The following WNK2 variants were observed in gnomAD, a reference collection of about 807,000 sequenced individuals.
The protein encoded by WNK2 is serine/threonine-protein kinase WNK2.
A neutral mutation model predicts 192.1 loss-of-function variants in WNK2; 67 were observed. The ratio of observed to expected loss-of-function variants is 0.35; its 90% confidence interval spans 0.29 to 0.43. WNK2 has a LOEUF of 0.43. Among genes scored for constraint, WNK2 ranks in the 20% least tolerant of loss-of-function variants. WNK2 has a pLI of 1.00. For missense variants in WNK2, 2,698 were observed against 3,089.7 expected (o/e 0.87, Z 3.01); for synonymous variants, 1,439 against 1,393.9 (o/e 1.03, Z -0.72).
At chr9:93,296,922 ACCTC>A (rs1248815176) in intron 23 of WNK2, among the ~76,000 whole-genome samples, 1 of 25,106 alleles carries the variant, frequency 4.0e-5, no homozygotes, top group African/African-American at 1.6e-4. Flanking sequence ...TCCCCATTCT[ACCTC>A]CCTCGACCTT....
intron 14 of WNK2, 110 bp from the exon 15 acceptor site, chr9:93,263,456 A>G: frequency 7.1e-7 from 1 of 1,401,010 alleles, no homozygotes; most frequent in Non-Finnish European, 9.8e-7. Context: ...TGTAGGTCAC[A>G]GATTTGGGCC....
intron 2 of WNK2, among the ~76,000 whole-genome samples, chr9:93,188,598 C>T (rs977086240): frequency 4.6e-5 from 7 of 152,192 alleles, no homozygotes; most frequent in Non-Finnish European, 7.3e-5. Context: ...AAGTAAAACA[C>T]CAGAATCCCA....
At chr9:93,318,193 A>G (rs1338505167) in intron 29 of WNK2, 1 of 1,488,240 alleles carries the variant, frequency 6.7e-7, no homozygotes, top group African/African-American at 1.4e-5. Flanking sequence ...TTCATTTGCA[A>G]TTGGCTTGTG....
In WNK2 at chr9:93,292,515, G is replaced by A; in HGVS notation, c.5050G>A (p.Ala1684Thr). Reference sequence around the variant, plus strand: ...GGATGTACCTGCTTTTGTGAGACCTGCACGTGTGGAGCCCACAGACAGGGA... The same window carrying A: ...GGATGTACCTGCTTTTGTGAGACCTACACGTGTGGAGCCCACAGACAGGGA... ...PQDVPAFVRP[A>T]RVEPTDRDGG... is the part of the protein sequence containing the mutation. The change falls in exon 23 of 30, where the codon GCA becomes ACA. Residue 1684 changes from alanine (A) to threonine (T), a missense_variant. By Grantham distance (58) the Ala-to-Thr change is moderately conservative (BLOSUM62 0). Coordinates refer to ENST00000427277, the MANE Select transcript of WNK2 (RefSeq NM_006648.4). The A allele has an allele frequency of 6.3e-7, 1 of 1,588,922 alleles. No individual in the cohort carries two copies. The highest frequency in any genetic ancestry group is 8.6e-7 in the Non-Finnish European group (1 of 1,165,736).
At chr9:93,227,258 C>T (rs966367573) in intron 2 of WNK2, among the ~76,000 whole-genome samples, 16 of 151,408 alleles carry the variant, frequency 1.1e-4, no homozygotes, top group Admixed American at 3.3e-4. Context: ...GGACTACAGG[C>T]GCCCGCCACC....
Position 93,256,296 on chromosome 9 carries a change from C to A in WNK2, c.2035-3C>A. 1 of 1,552,520 alleles carries A rather than the reference C, an allele frequency of 6.4e-7. No homozygotes were observed. Among genetic ancestry groups the A allele is most frequent in the Non-Finnish European group, 8.6e-7 (1 of 1,156,110 alleles). On this transcript the variant is annotated splice_polypyrimidine_tract_variant and splice_region_variant and intron_variant, in intron 9 of 29. Transcript: ENST00000427277. Reference sequence around the variant, plus strand: ...CTGAGTGTGGCCCTGGTGCTCTCTGCAGCCTGGCTTGCCGGTGGGCTCTGT... The same window carrying A: ...CTGAGTGTGGCCCTGGTGCTCTCTGAAGCCTGGCTTGCCGGTGGGCTCTGT...
intron 7 of WNK2, among the ~76,000 whole-genome samples, chr9:93,246,054 C>T (rs557659937): frequency 2.4e-4 from 36 of 152,332 alleles, no homozygotes; most frequent in African/African-American, 8.2e-4. Flanking sequence ...CCTGCCGCCC[C>T]CCACCTGATA....
At chr9:93,282,321 T>G (rs1847863105) in intron 19 of WNK2, among the ~76,000 whole-genome samples, 1 of 152,058 alleles carries the variant, frequency 6.6e-6, no homozygotes. Context: ...GGAAGGAATT[T>G]TTTAAAATAT....
intron 2 of WNK2, among the ~76,000 whole-genome samples, chr9:93,202,658 G>A (rs1247351709): frequency 1.3e-5 from 2 of 151,868 alleles, no homozygotes; most frequent in Non-Finnish European, 1.5e-5. Context: ...GGCTGGGGCA[G>A]GTGGCATGGT....
chr9:93,288,781 C>T lies in WNK2; in HGVS notation c.4034-7C>T, dbSNP rs1848850461. 3 of 1,604,300 alleles carry T rather than the reference C, an allele frequency of 1.9e-6. No homozygotes were observed. Among genetic ancestry groups the T allele is most frequent in the Non-Finnish European group, 1.7e-6 (2 of 1,176,342 alleles). On this transcript the variant is annotated splice_polypyrimidine_tract_variant and splice_region_variant and intron_variant, in intron 19 of 29. Coordinates refer to ENST00000427277, the MANE Select transcript of WNK2 (RefSeq NM_006648.4). ...TGGTACAAAGGCATTTTCCCCATTT[C>T]TTCTAGATTCAGCGCCCTATAAAGA...
intron 29 of WNK2, chr9:93,318,688 G>A: frequency 6.7e-7 from 1 of 1,481,588 alleles, no homozygotes; most frequent in Non-Finnish European, 9.0e-7. Flanking sequence ...TGATTTCCAT[G>A]GAGACCTGTG....
rs543371304 is a variant in WNK2 at position 93,289,328 on chromosome 9, C to T, written c.4574C>T (p.Pro1525Leu). 2 of 1,603,512 alleles carry T rather than the reference C, an allele frequency of 1.2e-6. No homozygotes were observed. The highest frequency in any genetic ancestry group is 1.3e-5 in the African/African-American group (1 of 74,704). Residue 1525 changes from proline (P) to leucine (L), a missense_variant, in exon 20 of 30, where the codon CCA becomes CTA. Pro to Leu is a moderately conservative substitution (Grantham distance 98, BLOSUM62 -3). This residue lies in a region of WNK2 where 1,098 missense variants were observed against 1,101.0 expected (regional missense o/e 1.00). Coordinates refer to ENST00000427277, the MANE Select transcript of WNK2 (RefSeq NM_006648.4). ...CCACCCCTGGGGCCCACCGTCCCCCCACAGCCACCCTCGGCCCTGGAGTCG... is the reference window on the plus strand; with the variant it reads ...CCACCCCTGGGGCCCACCGTCCCCCTACAGCCACCCTCGGCCCTGGAGTCG... ...PSPPLGPTVP[P>L]QPPSALESDG...
chr9:93,226,757 G>C (rs1837886989), intron 2 of WNK2, among the ~76,000 whole-genome samples: 1 of 152,112 alleles, frequency 6.6e-6, no homozygotes, highest in Non-Finnish European at 1.5e-5. Context: ...CTTTTGTTCA[G>C]TCCTATGCTT....
chr9:93,184,149 G>C lies in WNK2; in HGVS notation c.-239G>C, dbSNP rs927156190. On this transcript the variant is annotated 5_prime_UTR_variant, in exon 1 of 30. Transcript: ENST00000427277. ...GAACGGAGCCCCGCCCTCCCCGCGC[G>C]CCGGGTCGGAGCCGGTGCGGGAGCG... 2.0e-5 allele frequency among the ~76,000 whole-genome samples: 3 copies of C among 149,780 alleles called. No individual in the cohort carries two copies. The highest frequency in any genetic ancestry group is 4.5e-5 in the Non-Finnish European group (3 of 67,228).
Position 93,229,682 on chromosome 9 carries a change from C to T in WNK2, c.682-14C>T. The stretch of plus-strand genomic sequence containing the variant: ...CCCATCTCTTGCCCACTTAGCATGT[C>T]TCTTGCCCTGTAGGACCGGAAGCTC... On this transcript the variant is annotated splice_polypyrimidine_tract_variant and intron_variant, in intron 2 of 29. Coordinates refer to ENST00000427277, the MANE Select transcript of WNK2 (RefSeq NM_006648.4). This position sits in a 1 kb window ranked among gnomAD's most constrained non-coding sequence, Gnocchi z 4.9. The T allele has an allele frequency of 6.8e-6, 11 of 1,611,150 alleles. No individual in the cohort carries two copies. Among genetic ancestry groups the T allele is most frequent in the Non-Finnish European group, 9.3e-6 (11 of 1,178,436 alleles).
chr9:93,214,303 T>TATA (rs1835305150), intron 2 of WNK2, among the ~76,000 whole-genome samples: 1 of 151,194 alleles, frequency 6.6e-6, no homozygotes, highest in Non-Finnish European at 1.5e-5. Flanking sequence ...TTTTATATAT[T>TATA]TATTTATTTA....
intron 7 of WNK2, among the ~76,000 whole-genome samples, chr9:93,245,877 C>G (rs904522216): frequency 2.0e-5 from 3 of 152,164 alleles, no homozygotes; most frequent in Non-Finnish European, 4.4e-5. Context: ...AGTCTCAGAC[C>G]CTGCCTCAGA....
intron 28 of WNK2, chr9:93,309,246 C>CT: frequency 1.9e-6 from 1 of 515,428 alleles, no homozygotes; most frequent in Non-Finnish European, 2.5e-6. Flanking sequence ...ATACTTTCCT[C>CT]TATGATCTTT....
chr9:93,269,104 G>A (rs184900657), intron 19 of WNK2, among the ~76,000 whole-genome samples: 2 of 152,146 alleles, frequency 1.3e-5, no homozygotes, highest in Admixed American at 6.5e-5. Context: ...CAGCAGACAC[G>A]CCTCTGCTGG....
Sources: allele counts gnomAD v4.1 joint callset (sites outside exome capture counted in the v4.1 genomes callset), GRCh38; gene constraint gnomAD v4.1.1; regional missense constraint gnomAD v4.1.1; non-coding constraint Gnocchi (gnomAD v3.1); transcripts MANE v1.5; gene names NCBI Gene and HGNC (gene_info 2026-07-23, HGNC 2026-07-21).